CMSS1: variants seen among roughly 807,000 people sequenced by gnomAD.
CMSS1 encodes the protein protein CMSS1.
CMSS1 carries 33 observed loss-of-function variants against 43.5 expected under a neutral mutation model. The ratio of observed to expected loss-of-function variants is 0.76; its 90% CI spans 0.57 to 1.01. CMSS1 has a LOEUF of 1.01. Ranked by LOEUF, CMSS1 falls within the 50% of genes least tolerant of loss-of-function variation. The probability of loss-of-function intolerance (pLI) is 0.00; values close to 1 mark genes in which losing one functional copy is unlikely to be tolerated. For missense variants in CMSS1, 313 were observed against 326.4 expected (o/e 0.96, Z 0.32); for synonymous variants, 115 against 117.2 (o/e 0.98, Z 0.12).
At chr3:99,840,226 T>C (rs1943073241) in intron 1 of CMSS1, among the ~76,000 whole-genome samples, 2 of 143,766 alleles carry the variant, frequency 1.4e-5, no homozygotes, top group South Asian at 4.7e-4. Flanking sequence ...AGAATCTTTT[T>C]TTTTTTTTTT....
chr3:99,916,474 ACACACACACACG>A (rs1157795626), intron 1 of CMSS1, among the ~76,000 whole-genome samples: 3 of 143,022 alleles, frequency 2.1e-5, no homozygotes, highest in Non-Finnish European at 3.2e-5. Context: ...ACACACACAC[ACACACACACACG>A]TTCTGTTTCT....
chr3:99,889,924 A>G (rs567278542), intron 1 of CMSS1, among the ~76,000 whole-genome samples: 2 of 152,148 alleles, frequency 1.3e-5, no homozygotes, highest in South Asian at 4.2e-4. Flanking sequence ...ATAATCTATT[A>G]TTGTTCTATT....
intron 1 of CMSS1, among the ~76,000 whole-genome samples, chr3:99,932,823 C>T (rs1269156789): frequency 1.3e-5 from 2 of 152,070 alleles, no homozygotes; most frequent in African/African-American, 4.8e-5. Context: ...CACAGGAGGC[C>T]GAGGTTGCAT....
chr3:99,881,589 G>A lies in CMSS1; in HGVS notation c.64+63546G>A, dbSNP rs7625813. 4.5e-3 allele frequency among the ~76,000 whole-genome samples: 681 copies of A among 151,646 alleles called. 6 individuals are homozygous for A. Among genetic ancestry groups the A allele is most frequent in the African/African-American group, 0.016 (667 of 41,308 alleles). ...ACTCTGTTGCCCAGATTGGAGTGCA[G>A]TAGTGCAAGCTCGGCTCACTGCAAC... On this transcript the variant is annotated intron_variant, in intron 1 of 9. Transcript: ENST00000421999.
At chr3:100,171,737 A>G (rs1422870275) in intron 6 of CMSS1, 102 bp from the exon 7 acceptor site, 3 of 913,256 alleles carry the variant, frequency 3.3e-6, no homozygotes, top group Non-Finnish European at 5.5e-6. Flanking sequence ...ATACACACGT[A>G]TGCACACATC....
chr3:100,081,184 G>T (rs1013095173), intron 1 of CMSS1, among the ~76,000 whole-genome samples: 4 of 152,154 alleles, frequency 2.6e-5, no homozygotes, highest in Non-Finnish European at 2.9e-5. Context: ...CCTCTCTCAA[G>T]ATGGAACTTC....
At chr3:99,835,649 A>C (rs188956999) in intron 1 of CMSS1, among the ~76,000 whole-genome samples, 49 of 152,344 alleles carry the variant, frequency 3.2e-4, no homozygotes, top group African/African-American at 1.2e-3. Context: ...ATTCTGATGA[A>C]GGTGGTCAAT....
chr3:100,051,908 ATG>A (rs1259712363), intron 1 of CMSS1, among the ~76,000 whole-genome samples: 3 of 148,532 alleles, frequency 2.0e-5, no homozygotes, highest in Non-Finnish European at 3.0e-5. Context: ...ATTTATTAAT[ATG>A]TGTTATTAAA....
intron 1 of CMSS1, among the ~76,000 whole-genome samples, chr3:99,980,184 C>T (rs1350795414): frequency 6.6e-6 from 1 of 152,126 alleles, no homozygotes; most frequent in Admixed American, 6.5e-5. Context: ...TTATTGGACA[C>T]TCGGAGCAAG....
Position 100,181,191 on chromosome 3 carries a change from C to A in CMSS1, c.*2803C>A, listed in dbSNP as rs1240013477. ...CATGAAACTTGGGTGGGGACACAGCCAAACCACATCAGCAGGGTAGTGGTA... is the reference window on the plus strand; with the variant it reads ...CATGAAACTTGGGTGGGGACACAGCAAAACCACATCAGCAGGGTAGTGGTA... On this transcript the variant is annotated 3_prime_UTR_variant, in exon 10 of 10. Transcript: ENST00000421999. The A allele has an allele frequency of 6.6e-6, 1 of 152,184 alleles. No homozygotes were observed. The highest frequency in any genetic ancestry group is 1.5e-5 in the Non-Finnish European group (1 of 68,036). The allele number at this position is 152,184 out of a possible 1,614,324, so 9.4% of individuals were successfully genotyped here.
intron 1 of CMSS1, among the ~76,000 whole-genome samples, chr3:99,901,824 A>G (rs767499390): frequency 6.6e-6 from 1 of 152,150 alleles, no homozygotes; most frequent in Non-Finnish European, 1.5e-5. Context: ...CAACACACAC[A>G]CATACACACA....
chr3:100,121,847 C>T (rs1331904029), intron 1 of CMSS1, among the ~76,000 whole-genome samples: 3 of 152,092 alleles, frequency 2.0e-5, no homozygotes, highest in Admixed American at 1.3e-4. Flanking sequence ...GCTGGCCTCA[C>T]GGAGGGGCTA....
chr3:99,877,827 A>G (rs1324538541), intron 1 of CMSS1, among the ~76,000 whole-genome samples: 2 of 152,164 alleles, frequency 1.3e-5, no homozygotes, highest in African/African-American at 4.8e-5. Flanking sequence ...AAACACCTGA[A>G]TCTCAGCCCC....
intron 1 of CMSS1, among the ~76,000 whole-genome samples, chr3:100,033,447 T>C (rs953989234): frequency 2.0e-5 from 3 of 152,222 alleles, no homozygotes; most frequent in African/African-American, 7.2e-5. Context: ...GAGCTTTGTG[T>C]TATCTTCTTG....
intron 1 of CMSS1, among the ~76,000 whole-genome samples, chr3:100,120,591 T>G (rs2066611032): frequency 6.6e-6 from 1 of 152,176 alleles, no homozygotes; most frequent in Admixed American, 6.5e-5. Context: ...CCTAGCACTG[T>G]GCTAGGTCTT....
chr3:99,873,339 G>A (rs1705335575), intron 1 of CMSS1, among the ~76,000 whole-genome samples: 1 of 152,232 alleles, frequency 6.6e-6, no homozygotes, highest in South Asian at 2.1e-4. Flanking sequence ...AAGGTAGGGT[G>A]TATTAGATTT....
intron 1 of CMSS1, among the ~76,000 whole-genome samples, chr3:99,915,487 G>A (rs949959882): frequency 3.3e-5 from 5 of 152,204 alleles, no homozygotes; most frequent in Non-Finnish European, 5.9e-5. Flanking sequence ...GGAGACTTTG[G>A]ATGTACTTAA....
At chr3:99,824,599 A>T (rs1021456848) in intron 1 of CMSS1, among the ~76,000 whole-genome samples, 6 of 152,224 alleles carry the variant, frequency 3.9e-5, no homozygotes, top group Admixed American at 6.5e-5. Context: ...AACCTAGGAG[A>T]TCTTTATCAA....
intron 1 of CMSS1, among the ~76,000 whole-genome samples, chr3:99,834,569 A>G (rs1291797470): frequency 6.6e-6 from 1 of 152,238 alleles, no homozygotes; most frequent in Non-Finnish European, 1.5e-5. Flanking sequence ...AAAATAAAAT[A>G]TACTAACCTT....
Sources: allele counts gnomAD v4.1 joint callset (sites outside exome capture counted in the v4.1 genomes callset), GRCh38; gene constraint gnomAD v4.1.1; transcripts MANE v1.5; gene names NCBI Gene and HGNC (gene_info 2026-07-23, HGNC 2026-07-21).